Variants in HCN1 observed in about 807,000 individuals in gnomAD.
The protein encoded by HCN1 is hyperpolarization activated cyclic nucleotide gated potassium channel 1.
Under a neutral mutation model 78.9 loss-of-function variants are expected in HCN1, and 13 were observed. The observed-to-expected ratio is 0.16, with a 90% confidence interval of 0.11 to 0.26. The LOEUF is 0.26. Ranked by LOEUF, HCN1 falls within the 10% of genes least tolerant of loss-of-function variation. The pLI is 1.00. For missense variants in HCN1, 810 were observed against 1,154.3 expected, an observed-to-expected ratio of 0.70 and a Z score of 4.32; for synonymous variants, 552 against 455.5, an observed-to-expected ratio of 1.21 and a Z score of -2.70.
chr5:45,667,905 T>C (rs964123458), intron 1 of HCN1, among the ~76,000 whole-genome samples: 13 of 151,956 alleles, frequency 8.6e-5, no homozygotes, highest in Non-Finnish European at 1.6e-4. Flanking sequence ...CTATGAGACA[T>C]ATAAAAATGT....
At chr5:45,542,687 A>T (rs1743130452) in intron 2 of HCN1, among the ~76,000 whole-genome samples, 1 of 152,120 alleles carries the variant, frequency 6.6e-6, no homozygotes, top group African/African-American at 2.4e-5. Flanking sequence ...ACGAGGACTG[A>T]CTTGTCCTGT....
intron 2 of HCN1, among the ~76,000 whole-genome samples, chr5:45,571,731 A>G (rs1482498013): frequency 6.6e-6 from 1 of 152,122 alleles, no homozygotes; most frequent in Non-Finnish European, 1.5e-5. Context: ...CCTGACTAAC[A>G]TGGTGAAACC....
At chr5:45,607,593 ATATC>A (rs1269431450) in intron 2 of HCN1, among the ~76,000 whole-genome samples, 12 of 148,972 alleles carry the variant, frequency 8.1e-5, no homozygotes, top group South Asian at 6.3e-4. Flanking sequence ...ATATATATAT[ATATC>A]TATAGATAGA....
chr5:45,404,543 A>G lies in HCN1; in HGVS notation c.1012-7833T>C, dbSNP rs1271858258. Among the ~76,000 whole-genome samples, 3 of 151,664 alleles carry G rather than the reference A, an allele frequency of 2.0e-5. No homozygotes were observed. The East Asian group carries it at 5.8e-4, about 29-fold the overall frequency. ...AAGATATTGAGTCAAATTAATGGGA[A>G]CATAGTAAGTACCTTTGCTTATTCC... On this transcript the variant is annotated intron_variant, in intron 3 of 7. Transcript: ENST00000303230.
chr5:45,609,225 C>T lies in HCN1; in HGVS notation c.849+35960G>A, dbSNP rs947104254. ...ACTTGCAATTCTACTCTTAGGTATACTCCCTAGAGAAAAATCTTAGAAATG... is the reference window on the plus strand; with the variant it reads ...ACTTGCAATTCTACTCTTAGGTATATTCCCTAGAGAAAAATCTTAGAAATG... On this transcript the variant is annotated intron_variant, in intron 2 of 7. Coordinates refer to ENST00000303230, the MANE Select transcript of HCN1 (RefSeq NM_021072.4). Among the ~76,000 whole-genome samples the T allele has an allele frequency of 5.3e-5, 8 of 152,044 alleles. 1 individual carries two copies. Among genetic ancestry groups the T allele is most frequent in the African/African-American group, 1.4e-4 (6 of 41,398 alleles).
At chr5:45,441,853 A>T (rs1351403473) in intron 3 of HCN1, among the ~76,000 whole-genome samples, 1 of 152,172 alleles carries the variant, frequency 6.6e-6, no homozygotes, top group Non-Finnish European at 1.5e-5. Context: ...GAATTGAAGA[A>T]GACAGGAGAC....
At chr5:45,273,717 C>T (rs923497102) in intron 6 of HCN1, among the ~76,000 whole-genome samples, 18 of 152,076 alleles carry the variant, frequency 1.2e-4, no homozygotes, top group African/African-American at 4.3e-4. Flanking sequence ...TGCTGTGCAT[C>T]AAAATACTAA....
intron 6 of HCN1, among the ~76,000 whole-genome samples, chr5:45,275,104 G>A (rs1183177365): frequency 3.3e-5 from 5 of 152,040 alleles, no homozygotes; most frequent in Admixed American, 2.6e-4. Flanking sequence ...AAAATTAGTG[G>A]GTATGTTGGC....
At chr5:45,693,236 T>C (rs1202447665) in intron 1 of HCN1, among the ~76,000 whole-genome samples, 1 of 152,232 alleles carries the variant, frequency 6.6e-6, no homozygotes, top group Non-Finnish European at 1.5e-5. Flanking sequence ...GAAAATCTTA[T>C]ATTGGTTTTG....
chr5:45,425,091 A>G (rs529635668), intron 3 of HCN1, among the ~76,000 whole-genome samples: 1 of 152,324 alleles, frequency 6.6e-6, no homozygotes, highest in East Asian at 1.9e-4. Flanking sequence ...ACTGTAACTG[A>G]CAGCAAGGGA....
At chr5:45,520,645 G>T in intron 2 of HCN1, among the ~76,000 whole-genome samples, 1 of 151,670 alleles carries the variant, frequency 6.6e-6, no homozygotes, top group East Asian at 1.9e-4. Flanking sequence ...ACTATCCAAA[G>T]TTTCTCTTTT....
chr5:45,532,284 G>A (rs1469099758), intron 2 of HCN1, among the ~76,000 whole-genome samples: 2 of 152,166 alleles, frequency 1.3e-5, no homozygotes, highest in Admixed American at 1.3e-4. Context: ...ATGCTCTATA[G>A]CATAGAAATG....
intron 3 of HCN1, among the ~76,000 whole-genome samples, chr5:45,412,832 G>T (rs566357889): frequency 6.6e-6 from 1 of 151,994 alleles, no homozygotes; most frequent in Admixed American, 6.6e-5. Context: ...TTATTTTGGG[G>T]ATGAAAAGAA....
chr5:45,637,994 G>C (rs569196674), intron 2 of HCN1, among the ~76,000 whole-genome samples: 35 of 152,282 alleles, frequency 2.3e-4, no homozygotes, highest in Middle Eastern at 3.4e-3. Flanking sequence ...GTTATGAATG[G>C]AGAATAGAAA....
chr5:45,659,972 C>T (rs1275999940), intron 1 of HCN1, among the ~76,000 whole-genome samples: 57 of 146,532 alleles, frequency 3.9e-4, no homozygotes, highest in Middle Eastern at 3.4e-3. Flanking sequence ...AGATACTCCT[C>T]GGGAAGAGAA....
intron 4 of HCN1, among the ~76,000 whole-genome samples, chr5:45,356,504 A>G (rs987707876): frequency 3.3e-5 from 5 of 151,996 alleles, no homozygotes. Context: ...AAGGTGTTTA[A>G]TCCATATCAC....
At chr5:45,392,504 C>A (rs547379852) in intron 4 of HCN1, among the ~76,000 whole-genome samples, 3 of 152,002 alleles carry the variant, frequency 2.0e-5, no homozygotes, top group Admixed American at 2.0e-4. Flanking sequence ...AGAGTACTTA[C>A]ATTAAACTTT....
chr5:45,277,098 T>A (rs911260352), intron 6 of HCN1, among the ~76,000 whole-genome samples: 1 of 152,116 alleles, frequency 6.6e-6, no homozygotes, highest in Non-Finnish European at 1.5e-5. Flanking sequence ...AAACTTCGTG[T>A]GCAAAATATT....
chr5:45,264,458 A>G (rs1014556361), intron 7 of HCN1, among the ~76,000 whole-genome samples: 2 of 152,224 alleles, frequency 1.3e-5, no homozygotes, highest in African/African-American at 4.8e-5. Context: ...TGCTAAATAA[A>G]CTAACACATT....
Sources: gnomAD v4.1 joint callset for allele counts (sites outside exome capture counted in the v4.1 genomes callset) on GRCh38, gnomAD v4.1.1 for gene constraint, MANE v1.5 for transcripts, NCBI Gene and HGNC (gene_info 2026-07-23, HGNC 2026-07-21) for gene names.